Variants in DLGAP2 observed in about 807,000 individuals in gnomAD.
DLGAP2 encodes DLG associated protein 2, also known as disks large-associated protein 2.
In DLGAP2, 26 loss-of-function variants were observed where a neutral mutation model predicts 100.3. That is an observed-to-expected ratio of 0.26 (90% CI 0.19 to 0.36). The LOEUF is 0.36. DLGAP2 is among the 10% of genes least tolerant of loss of function. The pLI is 1.00. For synonymous variants in DLGAP2, 886 were observed against 630.1 expected (o/e 1.41, Z -6.08); for missense variants, 1,858 against 1,453.2 (o/e 1.28, Z -4.53).
At chr8:1,201,019 G>T (rs1464775845) in intron 2 of DLGAP2, among the ~76,000 whole-genome samples, 1 of 152,200 alleles carries the variant, frequency 6.6e-6, no homozygotes, top group African/African-American at 2.4e-5. Context: ...CCACCGTTAG[G>T]GACCCACACC....
At chr8:906,694 G>C (rs1236065600) in intron 1 of DLGAP2, among the ~76,000 whole-genome samples, 1 of 152,150 alleles carries the variant, frequency 6.6e-6, no homozygotes, top group East Asian at 1.9e-4. Context: ...TTATCACAAG[G>C]CTTAGCGCCT....
chr8:1,517,914 C>A (rs560615233), intron 4 of DLGAP2, among the ~76,000 whole-genome samples: 1 of 152,212 alleles, frequency 6.6e-6, no homozygotes, highest in Non-Finnish European at 1.5e-5. Flanking sequence ...CCATCCCCCA[C>A]GGTATGTTGT....
At chr8:1,423,836 C>G (rs1393131765) in intron 3 of DLGAP2, among the ~76,000 whole-genome samples, 3 of 152,192 alleles carry the variant, frequency 2.0e-5, no homozygotes, top group Non-Finnish European at 4.4e-5. Flanking sequence ...AGGTTAATCC[C>G]TCTTTCAAAT....
At chr8:1,193,700 G>A (rs1376979681) in intron 2 of DLGAP2, among the ~76,000 whole-genome samples, 1 of 152,104 alleles carries the variant, frequency 6.6e-6, no homozygotes, top group African/African-American at 2.4e-5. Context: ...TCGCGTGGCT[G>A]GCCCTCTCTG....
intron 6 of DLGAP2, among the ~76,000 whole-genome samples, chr8:1,582,099 A>C (rs1803295254): frequency 6.6e-6 from 1 of 151,130 alleles, no homozygotes; most frequent in African/African-American, 2.4e-5. Flanking sequence ...ACACATACAC[A>C]CCACAGTCAA....
chr8:1,079,799 G>A (rs571581225), intron 2 of DLGAP2, among the ~76,000 whole-genome samples: 2 of 152,378 alleles, frequency 1.3e-5, no homozygotes, highest in Admixed American at 6.5e-5. Flanking sequence ...CAATGGGGCA[G>A]AGGAGAGAAA....
chr8:856,498 C>A (rs1004210847), intron 1 of DLGAP2, among the ~76,000 whole-genome samples: 1 of 152,128 alleles, frequency 6.6e-6, no homozygotes, highest in African/African-American at 2.4e-5. Flanking sequence ...GTGGAAAAAT[C>A]TTCTGAAACT....
chr8:1,041,002 A>G (rs1315422889), intron 2 of DLGAP2, among the ~76,000 whole-genome samples: 1 of 152,148 alleles, frequency 6.6e-6, no homozygotes, highest in Non-Finnish European at 1.5e-5. Context: ...GACATACCAA[A>G]ACCTCTACTT....
intron 1 of DLGAP2, among the ~76,000 whole-genome samples, chr8:866,440 G>T (rs758796916): frequency 6.6e-6 from 1 of 152,212 alleles, no homozygotes; most frequent in Non-Finnish European, 1.5e-5. Flanking sequence ...ATCTCCTCAG[G>T]CCTGTCTTCC....
intron 6 of DLGAP2, among the ~76,000 whole-genome samples, chr8:1,588,542 T>C (rs1019611343): frequency 2.0e-5 from 3 of 151,982 alleles, no homozygotes; most frequent in Non-Finnish European, 2.9e-5. Context: ...TAAATATGTA[T>C]TAAGGACTGA....
chr8:1,140,872 C>T (rs1203759046), intron 2 of DLGAP2, among the ~76,000 whole-genome samples: 1 of 152,116 alleles, frequency 6.6e-6, no homozygotes, highest in African/African-American at 2.4e-5. Context: ...ACTCAGAGGC[C>T]AAGGCAGGAG....
intron 1 of DLGAP2, among the ~76,000 whole-genome samples, chr8:838,912 G>A (rs1553412): frequency 0.19 from 28,635 of 152,146 alleles, 3,418 homozygotes; most frequent in Admixed American, 0.37. Context: ...AAATGGCGAG[G>A]TGCTGCCTTT....
At position 945,936 on chromosome 8, in the gene DLGAP2, T is replaced by C. The variant is rs114328401; in HGVS notation, c.73+37970T>C. 2.0e-3 allele frequency among the ~76,000 whole-genome samples: 311 copies of C among 152,240 alleles called. 3 individuals are homozygous for C. Among genetic ancestry groups the C allele is most frequent in the African/African-American group, 7.3e-3 (302 of 41,540 alleles). The stretch of plus-strand genomic sequence containing the variant: ...GAAGACATGGGAAGTTCCTGGAAAG[T>C]AACGAGACTGATCTTCTCCTGTGCC... On this transcript the variant is annotated intron_variant, in intron 2 of 14. Coordinates refer to ENST00000637795, the MANE Select transcript of DLGAP2 (RefSeq NM_001346810.2).
intron 3 of DLGAP2, among the ~76,000 whole-genome samples, chr8:1,453,285 G>A (rs1040471081): frequency 3.3e-5 from 5 of 152,172 alleles, no homozygotes; most frequent in African/African-American, 9.7e-5. Context: ...AGCAGGAGGA[G>A]CCTGGGGAGG....
chr8:1,630,951 G>A (rs375091930), intron 7 of DLGAP2, among the ~76,000 whole-genome samples: 22 of 145,122 alleles, frequency 1.5e-4, no homozygotes, highest in African/African-American at 5.1e-4. Context: ...TCGGCGGGAG[G>A]TCCCAGTGTC....
chr8:1,551,639 A>G (rs924863975), intron 5 of DLGAP2, among the ~76,000 whole-genome samples: 16 of 151,874 alleles, frequency 1.1e-4, no homozygotes, highest in African/African-American at 3.6e-4. Flanking sequence ...GAACCCACAC[A>G]CCGTCAGCCC....
intron 1 of DLGAP2, among the ~76,000 whole-genome samples, chr8:879,333 C>G (rs1797741492): frequency 1.3e-5 from 2 of 152,210 alleles, no homozygotes; most frequent in Admixed American, 6.5e-5. Flanking sequence ...AGGACATTCA[C>G]CGAAATGACA....
intron 2 of DLGAP2, among the ~76,000 whole-genome samples, chr8:1,104,204 C>T (rs1206852389): frequency 3.9e-5 from 6 of 152,148 alleles, no homozygotes; most frequent in African/African-American, 4.8e-5. Context: ...GCCCCGGCCA[C>T]GGTGGAGCCT....
intron 5 of DLGAP2, among the ~76,000 whole-genome samples, chr8:1,551,699 G>A (rs901878510): frequency 6.6e-6 from 1 of 152,028 alleles, no homozygotes; most frequent in East Asian, 1.9e-4. Context: ...CTGCACTCAC[G>A]CCTTCCCACC....
Sources: gnomAD v4.1 joint callset for allele counts (sites outside exome capture counted in the v4.1 genomes callset) on GRCh38, gnomAD v4.1.1 for gene constraint, MANE v1.5 for transcripts, NCBI Gene and HGNC (gene_info 2026-07-23, HGNC 2026-07-21) for gene names.